Variants in PTPRM observed in about 807,000 individuals in gnomAD.
PTPRM encodes receptor-type tyrosine-protein phosphatase mu.
In PTPRM, 47 loss-of-function variants were observed where a neutral mutation model predicts 186.7. That is an observed-to-expected ratio of 0.25 (90% CI 0.20 to 0.32). The LOEUF is 0.32. PTPRM is among the 10% of genes least tolerant of loss of function. PTPRM has a pLI of 1.00. For synonymous variants in PTPRM, 668 were observed against 674.9 expected, an observed-to-expected ratio of 0.99 and a Z score of 0.16; for missense variants, 1,494 against 1,865.0, an observed-to-expected ratio of 0.80 and a Z score of 3.66.
At chr18:8,113,404 C>G in intron 11 of PTPRM, 82 bp from the exon 12 acceptor site, 1 of 1,286,614 alleles carries the variant, frequency 7.8e-7, no homozygotes, top group Non-Finnish European at 1.1e-6. Flanking sequence ...TTTTGCGTGT[C>G]CTGTGGGTCC....
At chr18:7,695,885 G>T (rs1471357268) in intron 1 of PTPRM, among the ~76,000 whole-genome samples, 1 of 152,128 alleles carries the variant, frequency 6.6e-6, no homozygotes, top group Non-Finnish European at 1.5e-5. Context: ...AAAGATAAAT[G>T]GGCTAAAAAT....
At chr18:8,143,253 G>A (rs1028057664) in intron 13 of PTPRM, among the ~76,000 whole-genome samples, 12 of 152,138 alleles carry the variant, frequency 7.9e-5, no homozygotes, top group African/African-American at 2.9e-4. Context: ...AATAACTGAG[G>A]AAAATGTTCC....
At chr18:8,078,007 G>A (rs2089923436) in intron 9 of PTPRM, among the ~76,000 whole-genome samples, 1 of 152,344 alleles carries the variant, frequency 6.6e-6, no homozygotes, top group African/African-American at 2.4e-5. Context: ...CAATGGGGAT[G>A]CATGAATGTG....
intron 29 of PTPRM, among the ~76,000 whole-genome samples, chr18:8,380,901 G>A (rs929038742): frequency 2.7e-4 from 41 of 152,136 alleles, no homozygotes; most frequent in African/African-American, 8.0e-4. Flanking sequence ...GGTAGAGATC[G>A]TCATGCAGGG....
intron 2 of PTPRM, among the ~76,000 whole-genome samples, chr18:7,827,202 A>G (rs971261184): frequency 6.6e-5 from 10 of 152,236 alleles, no homozygotes; most frequent in Admixed American, 2.0e-4. Context: ...CCCTGTTAAT[A>G]CAGGTATAAA....
intron 3 of PTPRM, among the ~76,000 whole-genome samples, chr18:7,898,585 CAACTGGTTTAACCAGTTGT>C (rs2049492494): frequency 6.6e-6 from 1 of 152,166 alleles, no homozygotes; most frequent in Non-Finnish European, 1.5e-5. Flanking sequence ...TCAGTTTAAA[CAACTGGTTTAACCAGTTGT>C]TTCCTCTCTG....
rs192303365 is a variant in PTPRM, at chr18:7,903,726, T to A, written c.469-2779T>A. On this transcript the variant is annotated intron_variant, in intron 3 of 32. Coordinates refer to ENST00000580170, the MANE Select transcript of PTPRM (RefSeq NM_001105244.2). ...TGCCTTTCCTCTCCGCTGTGTTATA[T>A]GTTATTGTAATAGTGTTGTGGCACA... 3.7e-3 allele frequency among the ~76,000 whole-genome samples: 559 copies of A among 152,318 alleles called. 5 individuals are homozygous for A. The highest frequency in any genetic ancestry group is 0.013 in the African/African-American group (532 of 41,578).
intron 20 of PTPRM, among the ~76,000 whole-genome samples, chr18:8,309,697 T>C (rs1305180917): frequency 1.3e-5 from 2 of 152,018 alleles, no homozygotes; most frequent in African/African-American, 2.4e-5. Flanking sequence ...TTATTTTTTA[T>C]AGAGACAAGG....
At chr18:8,183,317 C>T (rs111856396) in intron 14 of PTPRM, among the ~76,000 whole-genome samples, 4,811 of 151,900 alleles carry the variant, frequency 0.032, 114 homozygotes, top group Middle Eastern at 0.061. Flanking sequence ...TATTTTATTT[C>T]CAAAGATTTG....
intron 1 of PTPRM, among the ~76,000 whole-genome samples, chr18:7,645,091 A>G (rs749278195): frequency 6.6e-6 from 1 of 152,212 alleles, no homozygotes; most frequent in African/African-American, 2.4e-5. Flanking sequence ...GTAGTTAACT[A>G]GAAAAATAAT....
At chr18:8,044,119 G>A (rs1010366592) in intron 7 of PTPRM, among the ~76,000 whole-genome samples, 2 of 152,178 alleles carry the variant, frequency 1.3e-5, no homozygotes, top group African/African-American at 2.4e-5. Flanking sequence ...CGAGCTTTTA[G>A]AAACTGTGTT....
chr18:8,165,981 C>A (rs778793754), intron 14 of PTPRM, among the ~76,000 whole-genome samples: 1 of 152,170 alleles, frequency 6.6e-6, no homozygotes, highest in Non-Finnish European at 1.5e-5. Context: ...TCTGTAGTTT[C>A]TAAGTAGCCT....
chr18:8,376,013 C>G, intron 24 of PTPRM, 33 bp from the exon 25 acceptor site: 2 of 1,585,644 alleles, frequency 1.3e-6, no homozygotes, highest in South Asian at 2.2e-5. Context: ...TTCCCTTGTT[C>G]TCTTCCTTGT....
intron 1 of PTPRM, among the ~76,000 whole-genome samples, chr18:7,590,249 C>T (rs1395802408): frequency 2.0e-5 from 3 of 152,168 alleles, no homozygotes; most frequent in East Asian, 3.8e-4. Flanking sequence ...AAATATAACA[C>T]TGGCATCTTA....
chr18:7,856,221 A>G (rs1365001960), intron 2 of PTPRM, among the ~76,000 whole-genome samples: 1 of 152,160 alleles, frequency 6.6e-6, no homozygotes, highest in Non-Finnish European at 1.5e-5. Context: ...GCTTGCTTAT[A>G]TCATGCTGTC....
rs570445719 is a variant in PTPRM at position 7,567,906 on chromosome 18, C to G, written c.73+15C>G. 1 of 1,540,354 alleles carries G rather than the reference C, an allele frequency of 6.5e-7. No homozygotes were observed. Among genetic ancestry groups the G allele is most frequent in the African/African-American group, 1.4e-5 (1 of 69,492 alleles). On this transcript the variant is annotated intron_variant, in intron 1 of 32. Transcript: ENST00000580170. The surrounding 1 kb of genome is among the most constrained non-coding windows in gnomAD (Gnocchi z 4.3). The stretch of plus-strand genomic sequence containing the variant: ...GACGTTCTCAGGTAAGCGGGACCGC[C>G]TCTGCCGCCCCCGAGGCGCGCGGGC...
chr18:7,672,428 A>G (rs1212802787), intron 1 of PTPRM, among the ~76,000 whole-genome samples: 1 of 152,226 alleles, frequency 6.6e-6, no homozygotes, highest in Non-Finnish European at 1.5e-5. Context: ...CCTAGTTAAA[A>G]GATGCTGGCA....
At chr18:7,977,517 G>GTC (rs373372390) in intron 7 of PTPRM, among the ~76,000 whole-genome samples, 291 of 152,194 alleles carry the variant, frequency 1.9e-3, no homozygotes, top group Middle Eastern at 3.4e-3. Flanking sequence ...TAGAGATAGT[G>GTC]TCTCTCTCTG....
intron 2 of PTPRM, among the ~76,000 whole-genome samples, chr18:7,829,330 T>C (rs1567881337): frequency 6.6e-6 from 1 of 152,186 alleles, no homozygotes; most frequent in Non-Finnish European, 1.5e-5. Context: ...ATGACACTCT[T>C]CACATTCAAG....
Sources: gnomAD v4.1 joint callset for allele counts (sites outside exome capture counted in the v4.1 genomes callset) on GRCh38, gnomAD v4.1.1 for gene constraint, Gnocchi (gnomAD v3.1) non-coding constraint, MANE v1.5 for transcripts, NCBI Gene and HGNC (gene_info 2026-07-23, HGNC 2026-07-21) for gene names.